The following ITGA9 variants were observed in gnomAD, a reference collection of about 807,000 sequenced individuals.
ITGA9 encodes the protein integrin alpha-9.
In ITGA9, 56 loss-of-function variants were observed where a neutral mutation model predicts 127.8. The observed-to-expected ratio is 0.44, with a 90% confidence interval of 0.35 to 0.55. ITGA9 has a LOEUF of 0.55. Among genes scored for constraint, ITGA9 ranks in the 20% least tolerant of loss-of-function variants. ITGA9 has a pLI of 0.00. For synonymous variants in ITGA9, 508 were observed against 514.5 expected (o/e 0.99, Z 0.17); for missense variants, 1,196 against 1,347.1 (o/e 0.89, Z 1.76).
At chr3:37,800,010 G>T (rs565710694) in intron 26 of ITGA9, among the ~76,000 whole-genome samples, 4 of 152,200 alleles carry the variant, frequency 2.6e-5, no homozygotes, top group Non-Finnish European at 5.9e-5. Flanking sequence ...GTTGTGATGT[G>T]AGAGAACAGG....
At chr3:37,548,747 CTA>C (rs1477119429) in intron 15 of ITGA9, among the ~76,000 whole-genome samples, 1 of 152,306 alleles carries the variant, frequency 6.6e-6, no homozygotes, top group East Asian at 1.9e-4. Flanking sequence ...CTGGTGCTCT[CTA>C]AGGTGACCTT....
At chr3:37,534,184 C>T (rs1270172653) in intron 14 of ITGA9, among the ~76,000 whole-genome samples, 1 of 152,190 alleles carries the variant, frequency 6.6e-6, no homozygotes, top group Admixed American at 6.5e-5. Flanking sequence ...ATGCATATTA[C>T]TAGGTGCTTC....
In ITGA9 at chr3:37,533,305, G is replaced by C; in HGVS notation, c.1374-9G>C. On this transcript the variant is annotated splice_polypyrimidine_tract_variant and intron_variant, in intron 13 of 27. Transcript: ENST00000264741. The stretch of plus-strand genomic sequence containing the variant: ...CACGACTAAGTCACCTTCCTCTCTT[G>C]CCCTGCAGAGCAAGGCCTGTCATTA... 6.2e-7 allele frequency: 1 copy of C among 1,614,010 alleles called. No homozygotes were observed. The highest frequency in any genetic ancestry group is 8.5e-7 in the Non-Finnish European group (1 of 1,179,952).
intron 15 of ITGA9, among the ~76,000 whole-genome samples, chr3:37,557,380 C>T (rs9853781): frequency 0.2 from 30,451 of 152,036 alleles, 6,697 homozygotes; most frequent in African/African-American, 0.55. Flanking sequence ...ACGCTGTGTG[C>T]GGCAGAAAGG....
At chr3:37,688,604 T>C (rs1169384490) in intron 18 of ITGA9, among the ~76,000 whole-genome samples, 1 of 152,112 alleles carries the variant, frequency 6.6e-6, no homozygotes, top group Admixed American at 6.5e-5. Context: ...CCTGCCTGCC[T>C]TTCTCCCCAG....
At chr3:37,732,081 G>A (rs909422502) in intron 18 of ITGA9, among the ~76,000 whole-genome samples, 1 of 152,146 alleles carries the variant, frequency 6.6e-6, no homozygotes, top group Non-Finnish European at 1.5e-5. Context: ...GACCTTGGTT[G>A]GAAGCCATGT....
rs180859562 is a variant in ITGA9, at chr3:37,597,100, A to G, written c.1690-32087A>G. The stretch of plus-strand genomic sequence containing the variant: ...ACCTTCAAAGCCTGAAGTAGGGCCA[A>G]GTTGGAAGAGGCGAGGAAGTTTAAC... On this transcript the variant is annotated intron_variant, in intron 15 of 27. Transcript: ENST00000264741. The surrounding 1 kb of genome is among the most constrained non-coding windows in gnomAD (Gnocchi z 4.6). Among the ~76,000 whole-genome samples the G allele has an allele frequency of 1.3e-5, 2 of 152,338 alleles. No individual in the cohort carries two copies. Among genetic ancestry groups the G allele is most frequent in the Admixed American group, 1.3e-4 (2 of 15,306 alleles).
intron 16 of ITGA9, among the ~76,000 whole-genome samples, chr3:37,630,572 A>T (rs1700221482): frequency 6.6e-6 from 1 of 152,102 alleles, no homozygotes; most frequent in African/African-American, 2.4e-5. Context: ...GGGAAGTGTA[A>T]CCCTCCTTGA....
intron 18 of ITGA9, among the ~76,000 whole-genome samples, chr3:37,716,075 C>T (rs1408732471): frequency 6.6e-6 from 1 of 152,208 alleles, no homozygotes; most frequent in Non-Finnish European, 1.5e-5. Flanking sequence ...GGTCACATCT[C>T]ACTGTCCCAA....
chr3:37,537,767 A>C (rs1014946580), intron 14 of ITGA9, among the ~76,000 whole-genome samples: 1 of 152,220 alleles, frequency 6.6e-6, no homozygotes, highest in Non-Finnish European at 1.5e-5. Context: ...TGTGCTTAGC[A>C]CTGGGACACA....
At chr3:37,659,570 G>A (rs1700513064) in intron 17 of ITGA9, among the ~76,000 whole-genome samples, 1 of 151,830 alleles carries the variant, frequency 6.6e-6, no homozygotes, top group Non-Finnish European at 1.5e-5. Context: ...ATTTTAGTTT[G>A]CAATTTCTGT....
rs1182361577 is a variant in ITGA9 at position 37,629,155 on chromosome 3, T to C, written c.1690-32T>C. 2 of 1,611,634 alleles carry C rather than the reference T, an allele frequency of 1.2e-6. No individual in the cohort carries two copies. The highest frequency in any genetic ancestry group is 1.7e-6 in the Non-Finnish European group (2 of 1,179,482). On this transcript the variant is annotated intron_variant, in intron 15 of 27. Coordinates refer to ENST00000264741, the MANE Select transcript of ITGA9 (RefSeq NM_002207.3). The surrounding 1 kb of genome is among the most constrained non-coding windows in gnomAD (Gnocchi z 4.5). Reference sequence around the variant, plus strand: ...CTCTACGACTGTCAGCCAGGATTAGTAGTTAATGCACGTATTTGTTTATTG... The same window carrying C: ...CTCTACGACTGTCAGCCAGGATTAGCAGTTAATGCACGTATTTGTTTATTG...
chr3:37,750,226 G>A (rs1251550759), intron 22 of ITGA9, among the ~76,000 whole-genome samples: 3 of 152,262 alleles, frequency 2.0e-5, no homozygotes, highest in Non-Finnish European at 2.9e-5. Flanking sequence ...AATGCTGAAA[G>A]AGAATATGGT....
intron 18 of ITGA9, among the ~76,000 whole-genome samples, chr3:37,720,063 G>C (rs1701175281): frequency 6.6e-6 from 1 of 152,190 alleles, no homozygotes; most frequent in Non-Finnish European, 1.5e-5. Flanking sequence ...TGTTCGCAGA[G>C]GTTAGCTTCT....
At chr3:37,609,446 G>A (rs1182080510) in intron 15 of ITGA9, among the ~76,000 whole-genome samples, 1 of 152,146 alleles carries the variant, frequency 6.6e-6, no homozygotes, top group African/African-American at 2.4e-5. Context: ...AAAGTCTATT[G>A]AATGACTGAA....
chr3:37,508,721 C>A (rs1698871039), intron 8 of ITGA9, 94 bp downstream of exon 8: 3 of 932,974 alleles, frequency 3.2e-6, no homozygotes, highest in Non-Finnish European at 5.3e-6. Flanking sequence ...AAGGCCCTAC[C>A]TGTGCCCTGT....
chr3:37,529,293 T>A (rs1167035370), intron 13 of ITGA9, among the ~76,000 whole-genome samples: 3 of 152,096 alleles, frequency 2.0e-5, no homozygotes, highest in African/African-American at 4.8e-5. Flanking sequence ...TGGTGGTAGG[T>A]GCTGTGAGGA....
chr3:37,526,159 C>T (rs1277884016), intron 13 of ITGA9, 88 bp downstream of exon 13: 15 of 1,154,048 alleles, frequency 1.3e-5, no homozygotes, highest in Non-Finnish European at 1.7e-5. Flanking sequence ...TTCCTCTGTC[C>T]TGTTCCTTGT....
At chr3:37,534,647 C>T (rs1037504457) in intron 14 of ITGA9, among the ~76,000 whole-genome samples, 8 of 152,166 alleles carry the variant, frequency 5.3e-5, no homozygotes, top group South Asian at 2.1e-4. Flanking sequence ...ATAAGCTCAA[C>T]TATTAAACAT....
Sources: gnomAD v4.1 joint callset for allele counts (sites outside exome capture counted in the v4.1 genomes callset) on GRCh38, gnomAD v4.1.1 for gene constraint, Gnocchi (gnomAD v3.1) non-coding constraint, MANE v1.5 for transcripts, NCBI Gene and HGNC (gene_info 2026-07-23, HGNC 2026-07-21) for gene names.